The following MACROD2 variants were observed in gnomAD, a reference collection of about 807,000 sequenced individuals.
MACROD2 encodes the protein ADP-ribose glycohydrolase MACROD2.
In MACROD2, 36 loss-of-function variants were observed where a neutral mutation model predicts 70.4. The observed-to-expected ratio is 0.51, with a 90% confidence interval of 0.39 to 0.68. The LOEUF (loss-of-function observed/expected upper bound fraction) is 0.68, where lower values mean the gene tolerates loss of function less well. MACROD2 is among the 30% of genes least tolerant of loss of function. MACROD2 has a pLI of 0.00. For missense variants in MACROD2, 496 were observed against 538.4 expected (o/e 0.92, Z 0.78); for synonymous variants, 172 against 178.8 (o/e 0.96, Z 0.30).
At chr20:15,324,002 T>C (rs974229207) in intron 6 of MACROD2, among the ~76,000 whole-genome samples, 2 of 152,154 alleles carry the variant, frequency 1.3e-5, no homozygotes, top group Non-Finnish European at 2.9e-5. Context: ...GTGATGCTCA[T>C]GCTTGTGCTT....
intron 6 of MACROD2, 134 bp from the exon 7 acceptor site, chr20:15,431,271 C>T: frequency 2.8e-6 from 2 of 712,528 alleles, no homozygotes; most frequent in Non-Finnish European, 4.8e-6. Flanking sequence ...TCCAGTGTCC[C>T]CTACTCCAAC....
intron 3 of MACROD2, among the ~76,000 whole-genome samples, chr20:14,405,479 G>A (rs556116735): frequency 6.6e-6 from 1 of 152,124 alleles, no homozygotes; most frequent in South Asian, 2.1e-4. Context: ...AGAATCTACG[G>A]GAGTCCAGTA....
At chr20:15,162,581 G>C (rs2145876640) in intron 5 of MACROD2, among the ~76,000 whole-genome samples, 1 of 152,206 alleles carries the variant, frequency 6.6e-6, no homozygotes, top group Non-Finnish European at 1.5e-5. Flanking sequence ...TGGCTTTGTG[G>C]TTCAAACCCT....
At chr20:13,997,045 C>A (rs528721874) in intron 1 of MACROD2, among the ~76,000 whole-genome samples, 1 of 152,002 alleles carries the variant, frequency 6.6e-6, no homozygotes, top group South Asian at 2.1e-4. Flanking sequence ...TATATAGGAT[C>A]GGCTTCCACA....
chr20:15,816,203 C>G (rs765307440), intron 8 of MACROD2, among the ~76,000 whole-genome samples: 8 of 152,038 alleles, frequency 5.3e-5, no homozygotes, highest in Non-Finnish European at 1.2e-4. Flanking sequence ...GTAGGAAGGT[C>G]AATGAATTGA....
intron 7 of MACROD2, among the ~76,000 whole-genome samples, chr20:15,489,936 A>G (rs750893615): frequency 6.6e-6 from 1 of 152,008 alleles, no homozygotes; most frequent in Non-Finnish European, 1.5e-5. Flanking sequence ...GGAGTTTTCA[A>G]GGTTTGATTT....
intron 12 of MACROD2, among the ~76,000 whole-genome samples, chr20:15,956,377 G>T (rs1328674109): frequency 6.6e-6 from 1 of 152,158 alleles, no homozygotes; most frequent in East Asian, 1.9e-4. Flanking sequence ...TAAATCTAAT[G>T]TGAAGGAGAG....
Position 15,445,026 on chromosome 20 carries a change from T to C in MACROD2, c.571+13591T>C, listed in dbSNP as rs948721113. ...TGCCCTGCCACTAGATTCTGAGTTCTTTTAGGGCAGGGACTTTGATTATTT... is the reference window on the plus strand; with the variant it reads ...TGCCCTGCCACTAGATTCTGAGTTCCTTTAGGGCAGGGACTTTGATTATTT... On this transcript the variant is annotated intron_variant, in intron 7 of 17. Transcript: ENST00000684519. Among the ~76,000 whole-genome samples, 4 of 152,274 alleles carry C rather than the reference T, an allele frequency of 2.6e-5. No individual in the cohort carries two copies. In the South Asian group the frequency reaches 8.3e-4, roughly 32 times the overall value.
intron 8 of MACROD2, among the ~76,000 whole-genome samples, chr20:15,780,078 C>T (rs2051804668): frequency 6.6e-6 from 1 of 151,980 alleles, no homozygotes; most frequent in Non-Finnish European, 1.5e-5. Flanking sequence ...CAGGGAATTG[C>T]CTTCTGAATA....
At chr20:14,706,087 G>A (rs2071266353) in intron 5 of MACROD2, among the ~76,000 whole-genome samples, 1 of 152,052 alleles carries the variant, frequency 6.6e-6, no homozygotes, top group African/African-American at 2.4e-5. Context: ...AGGCCAAGGC[G>A]GGTGGATCAT....
intron 15 of MACROD2, among the ~76,000 whole-genome samples, chr20:16,032,724 A>T (rs1372303853): frequency 7.5e-6 from 1 of 133,434 alleles, no homozygotes; most frequent in East Asian, 2.4e-4. Context: ...AAGGTGGAGG[A>T]AGAAGGAGAG....
chr20:14,251,649 G>A (rs905489274), intron 3 of MACROD2, among the ~76,000 whole-genome samples: 2 of 152,184 alleles, frequency 1.3e-5, no homozygotes, highest in South Asian at 2.1e-4. Flanking sequence ...AAAAATGTCT[G>A]CCTCTGAAGC....
intron 7 of MACROD2, among the ~76,000 whole-genome samples, chr20:15,443,877 T>C (rs1304613850): frequency 3.9e-5 from 6 of 152,198 alleles, no homozygotes; most frequent in Non-Finnish European, 1.5e-5. Flanking sequence ...ATTTTTTTAC[T>C]TACTCTAAGG....
chr20:14,031,101 A>G (rs1434519239), intron 2 of MACROD2, among the ~76,000 whole-genome samples: 1 of 152,220 alleles, frequency 6.6e-6, no homozygotes, highest in African/African-American at 2.4e-5. Context: ...GATTTTAAAG[A>G]CAGCTTAACT....
intron 5 of MACROD2, among the ~76,000 whole-genome samples, chr20:14,868,731 C>A (rs1009672075): frequency 6.6e-6 from 1 of 152,108 alleles, no homozygotes; most frequent in Non-Finnish European, 1.5e-5. Flanking sequence ...TTACAGATCA[C>A]ATTCTGATAG....
intron 5 of MACROD2, among the ~76,000 whole-genome samples, chr20:15,206,724 T>TTTTTTTTTTG: frequency 1.7e-5 from 1 of 57,872 alleles, no homozygotes; most frequent in African/African-American, 1.1e-4. Flanking sequence ...TATCTATGTT[T>TTTTTTTTTTG]TTTTTTTTTT....
chr20:15,212,109 A>T (rs917235766), intron 5 of MACROD2, among the ~76,000 whole-genome samples: 1 of 152,314 alleles, frequency 6.6e-6, no homozygotes, highest in African/African-American at 2.4e-5. Flanking sequence ...AGAACTAAGG[A>T]TATTGAGCAC....
At chr20:14,243,398 A>T (rs909898849) in intron 3 of MACROD2, among the ~76,000 whole-genome samples, 1 of 152,152 alleles carries the variant, frequency 6.6e-6, no homozygotes, top group East Asian at 1.9e-4. Context: ...AGACTCTACA[A>T]ATGGTTAATT....
chr20:14,063,134 T>C (rs773457930), intron 2 of MACROD2, among the ~76,000 whole-genome samples: 2 of 152,214 alleles, frequency 1.3e-5, no homozygotes, highest in Non-Finnish European at 2.9e-5. Context: ...GATTAAAAAA[T>C]GGGACATGGC....
Sources: allele counts gnomAD v4.1 joint callset (sites outside exome capture counted in the v4.1 genomes callset), GRCh38; gene constraint gnomAD v4.1.1; transcripts MANE v1.5; gene names NCBI Gene and HGNC (gene_info 2026-07-23, HGNC 2026-07-21).